The following ADAMTSL1 variants were observed in gnomAD, a reference collection of about 807,000 sequenced individuals.
ADAMTSL1 encodes the protein ADAMTS like 1.
In ADAMTSL1, 126 loss-of-function variants were observed where a neutral mutation model predicts 201.8. The ratio of observed to expected loss-of-function variants is 0.62; its 90% CI spans 0.54 to 0.72. The LOEUF is 0.72. ADAMTSL1 is among the 30% of genes least tolerant of loss of function. ADAMTSL1 has a pLI of 0.00. For synonymous variants in ADAMTSL1, 1,121 were observed against 903.4 expected (o/e 1.24, Z -4.32); for missense variants, 2,679 against 2,277.8 (o/e 1.18, Z -3.59).
rs374545965 is a variant in ADAMTSL1 at position 18,727,940 on chromosome 9, T to C, written c.2006+6275T>C. Among the ~76,000 whole-genome samples, 10 of 151,862 alleles carry C rather than the reference T, an allele frequency of 6.6e-5. No homozygotes were observed. The East Asian group carries it at 1.7e-3, about 27-fold the overall frequency. ...ACTAAAAATGCAAAAATTGGTCGGG[T>C]GTGGTGGCGTGCCCCTGTAACCCCA... On this transcript the variant is annotated intron_variant, in intron 15 of 28. Coordinates refer to ENST00000380548, the MANE Select transcript of ADAMTSL1 (RefSeq NM_001040272.6).
chr9:18,188,711 A>G (rs1422219390), intron 2 of ADAMTSL1, among the ~76,000 whole-genome samples: 1 of 151,784 alleles, frequency 6.6e-6, no homozygotes, highest in Non-Finnish European at 1.5e-5. Context: ...TCATGGGTCA[A>G]CCCTCCTTGG....
intron 2 of ADAMTSL1, among the ~76,000 whole-genome samples, chr9:18,289,635 C>T (rs184524629): frequency 2.0e-5 from 3 of 152,252 alleles, no homozygotes; most frequent in Non-Finnish European, 4.4e-5. Flanking sequence ...ACCAGAAAAC[C>T]CTGACTTCTC....
intron 2 of ADAMTSL1, among the ~76,000 whole-genome samples, chr9:18,179,814 C>G (rs969129951): frequency 7.0e-4 from 106 of 152,054 alleles, no homozygotes; most frequent in African/African-American, 2.5e-3. Context: ...CCTTTACAGA[C>G]AAGCAAATGC....
At chr9:18,418,006 C>G (rs955094587) in intron 2 of ADAMTSL1, among the ~76,000 whole-genome samples, 1 of 152,086 alleles carries the variant, frequency 6.6e-6, no homozygotes, top group African/African-American at 2.4e-5. Context: ...ACAATATGAC[C>G]AAGAGCAGCT....
At chr9:17,928,562 A>G (rs1048198314) in intron 1 of ADAMTSL1, among the ~76,000 whole-genome samples, 8 of 152,250 alleles carry the variant, frequency 5.3e-5, no homozygotes, top group African/African-American at 9.6e-5. Context: ...ATAGGGGACA[A>G]TATGTTGCTA....
intron 7 of ADAMTSL1, among the ~76,000 whole-genome samples, chr9:18,645,522 G>T (rs1260322517): frequency 6.6e-6 from 1 of 150,504 alleles, no homozygotes; most frequent in African/African-American, 2.4e-5. Context: ...ATGGTTTTAG[G>T]TCTAACGTTT....
intron 2 of ADAMTSL1, among the ~76,000 whole-genome samples, chr9:18,176,078 G>A (rs1159542165): frequency 1.3e-5 from 2 of 149,432 alleles, no homozygotes; most frequent in African/African-American, 2.5e-5. Context: ...TTGGACACAA[G>A]GTAATTAAAA....
chr9:18,017,175 A>G (rs1325797469), intron 1 of ADAMTSL1, among the ~76,000 whole-genome samples: 1 of 152,054 alleles, frequency 6.6e-6, no homozygotes, highest in Non-Finnish European at 1.5e-5. Flanking sequence ...AAGGATATTC[A>G]TGCCCAATAT....
chr9:18,793,167 A>G (rs926056813), intron 19 of ADAMTSL1: 2 of 152,186 alleles, frequency 1.3e-5, no homozygotes, highest in Non-Finnish European at 2.9e-5. Context: ...TAAGGTGTCT[A>G]TTTCCTTCCC....
chr9:18,372,853 C>G (rs1837107145), intron 2 of ADAMTSL1, among the ~76,000 whole-genome samples: 1 of 152,054 alleles, frequency 6.6e-6, no homozygotes, highest in Non-Finnish European at 1.5e-5. Flanking sequence ...AAATAATAAC[C>G]ATAGCAAAAA....
In ADAMTSL1 at chr9:18,577,159, A is replaced by C. The variant is rs141372285; in HGVS notation, c.474+2893A>C. Among the ~76,000 whole-genome samples, 23 of 152,296 alleles carry C rather than the reference A, an allele frequency of 1.5e-4. No homozygotes were observed. In the East Asian group the frequency reaches 2.7e-3, roughly 18 times the overall value. On this transcript the variant is annotated intron_variant, in intron 4 of 28. Coordinates refer to ENST00000380548, the MANE Select transcript of ADAMTSL1 (RefSeq NM_001040272.6). ...TTCTATCATGGCCAGATTCACTTACAGATTGGAAAGCAGACAGAATTTAAA... is the reference window on the plus strand; with the variant it reads ...TTCTATCATGGCCAGATTCACTTACCGATTGGAAAGCAGACAGAATTTAAA...
At chr9:18,325,821 A>T (rs1362081672) in intron 2 of ADAMTSL1, among the ~76,000 whole-genome samples, 1 of 151,718 alleles carries the variant, frequency 6.6e-6, no homozygotes, top group African/African-American at 2.4e-5. Context: ...GCTCACTGCA[A>T]CCTCCGCCCC....
chr9:18,642,011 A>G (rs943478055), intron 7 of ADAMTSL1, among the ~76,000 whole-genome samples: 4 of 151,996 alleles, frequency 2.6e-5, no homozygotes, highest in African/African-American at 9.7e-5. Flanking sequence ...ACCAAAATCC[A>G]TCTTCACAAT....
chr9:18,249,709 C>G (rs1424197554), intron 2 of ADAMTSL1, among the ~76,000 whole-genome samples: 1 of 152,064 alleles, frequency 6.6e-6, no homozygotes, highest in African/African-American at 2.4e-5. Context: ...TCTTGAAAAC[C>G]CTACGGATAC....
intron 2 of ADAMTSL1, among the ~76,000 whole-genome samples, chr9:18,438,553 C>G (rs1307851126): frequency 6.6e-6 from 1 of 152,178 alleles, no homozygotes; most frequent in Non-Finnish European, 1.5e-5. Context: ...GCCCCATCCC[C>G]TTGCTCGGGT....
intron 2 of ADAMTSL1, among the ~76,000 whole-genome samples, chr9:18,377,184 T>C (rs1282173370): frequency 6.6e-6 from 1 of 152,236 alleles, no homozygotes; most frequent in Non-Finnish European, 1.5e-5. Context: ...TCGCGTCATT[T>C]ACTAGCTGTG....
chr9:18,654,437 G>A (rs35899945), intron 7 of ADAMTSL1, among the ~76,000 whole-genome samples: 2 of 152,100 alleles, frequency 1.3e-5, no homozygotes, highest in Non-Finnish European at 2.9e-5. Context: ...ATTCAATTGT[G>A]TGTTCATTCA....
chr9:18,188,486 C>G (rs1404355872), intron 2 of ADAMTSL1, among the ~76,000 whole-genome samples: 1 of 152,174 alleles, frequency 6.6e-6, no homozygotes, highest in African/African-American at 2.4e-5. Flanking sequence ...AATAGGTATA[C>G]TCTAGAAGAT....
At chr9:18,091,408 T>C (rs934749063) in intron 1 of ADAMTSL1, among the ~76,000 whole-genome samples, 63 of 152,186 alleles carry the variant, frequency 4.1e-4, no homozygotes, top group African/African-American at 1.5e-3. Flanking sequence ...TAAACCTATA[T>C]AGAGTCTTGA....
Sources: allele counts gnomAD v4.1 joint callset (sites outside exome capture counted in the v4.1 genomes callset), GRCh38; gene constraint gnomAD v4.1.1; transcripts MANE v1.5; gene names NCBI Gene and HGNC (gene_info 2026-07-23, HGNC 2026-07-21).